Variants in MTOR observed in about 807,000 individuals in gnomAD.
MTOR encodes the protein mechanistic target of rapamycin kinase, also known as serine/threonine-protein kinase mTOR.
In MTOR, 70 loss-of-function variants were observed where a neutral mutation model predicts 319.8. That is an observed-to-expected ratio of 0.22 (90% CI 0.18 to 0.27). The LOEUF (loss-of-function observed/expected upper bound fraction) is 0.27. Among genes scored for constraint, MTOR ranks in the 10% least tolerant of loss-of-function variants. The pLI, the probability that MTOR is intolerant of heterozygous loss-of-function variation, is 1.00. For synonymous variants in MTOR, 1,183 were observed against 1,211.4 expected (o/e 0.98, Z 0.49); for missense variants, 1,890 against 3,274.4 (o/e 0.58, Z 10.32).
At chr1:11,233,659 G>A (rs1647098050) in intron 14 of MTOR, among the ~76,000 whole-genome samples, 172 bp from the exon 15 acceptor site, 1 of 152,198 alleles carries the variant, frequency 6.6e-6, no homozygotes. Context: ...TTCTCCATAT[G>A]AAGTCTAAGT....
intron 29 of MTOR, among the ~76,000 whole-genome samples, chr1:11,160,179 C>A (rs986707529): frequency 2.0e-5 from 3 of 151,984 alleles, no homozygotes; most frequent in Admixed American, 2.0e-4. Context: ...CAGCTCACTG[C>A]AACCTCTGCC....
intron 3 of MTOR, among the ~76,000 whole-genome samples, chr1:11,257,380 C>CAAAAAAAAAAAA (rs1006118528): frequency 2.7e-5 from 1 of 36,760 alleles, no homozygotes; most frequent in Non-Finnish European, 6.2e-5. Context: ...TACTAAGATA[C>CAAAAAAAAAAAA]AAAAAAAAAA....
Position 11,133,987 on chromosome 1 carries a change from T to C in MTOR, c.5246+364A>G, listed in dbSNP as rs1006529855. ...ACGTGCCTATAGCTACTTGGGAAACTGAGGTGGGAGGATTGCTTAAGCCCA... is the reference window on the plus strand; with the variant it reads ...ACGTGCCTATAGCTACTTGGGAAACCGAGGTGGGAGGATTGCTTAAGCCCA... On this transcript the variant is annotated intron_variant, in intron 37 of 57. Coordinates refer to ENST00000361445, the MANE Select transcript of MTOR (RefSeq NM_004958.4). The surrounding 1 kb of genome is among the most constrained non-coding windows in gnomAD (Gnocchi z 4.0). Among the ~76,000 whole-genome samples, 1 of 151,550 alleles carries C rather than the reference T, an allele frequency of 6.6e-6. No individual in the cohort carries two copies. Among genetic ancestry groups the C allele is most frequent in the East Asian group, 1.9e-4 (1 of 5,134 alleles).
chr1:11,204,532 T>A (rs1646078071), intron 26 of MTOR, 29 bp downstream of exon 26: 1 of 1,596,914 alleles, frequency 6.3e-7, no homozygotes. Context: ...TATGTGCTGA[T>A]CTTCTCCACC....
In MTOR at chr1:11,114,867, C is replaced by A; in HGVS notation, c.7110G>T (p.Lys2370Asn). The stretch of plus-strand genomic sequence containing the variant: ...GTCTAAATGGAATCTTCTCTGGAAA[C>A]TTCTCTCGGGTCATAGCAACCTACA... ...DCFEVAMTRE[K>N]FPEKIPFRLT... Residue 2370 changes from lysine (K) to asparagine (N), a missense_variant, in exon 52 of 58, where the codon AAG becomes AAT. Transcript: ENST00000361445. 6.2e-7 allele frequency: 1 copy of A among 1,614,106 alleles called. No individual in the cohort carries two copies. Among genetic ancestry groups the A allele is most frequent in the Non-Finnish European group, 8.5e-7 (1 of 1,180,000 alleles).
intron 50 of MTOR, among the ~76,000 whole-genome samples, chr1:11,116,123 C>T (rs1156919538): frequency 2.0e-5 from 3 of 152,184 alleles, no homozygotes; most frequent in African/African-American, 7.2e-5. Context: ...GTCTTTTTTA[C>T]ATTCTTGTGA....
chr1:11,113,871 G>C (rs1161400911), intron 53 of MTOR, among the ~76,000 whole-genome samples: 1 of 152,166 alleles, frequency 6.6e-6, no homozygotes, highest in Non-Finnish European at 1.5e-5. Context: ...CCTCATGGGA[G>C]GTGATTAGAT....
chr1:11,146,593 A>G lies in MTOR; in HGVS notation c.4686+83T>C. 3 of 1,024,566 alleles carry G rather than the reference A, an allele frequency of 2.9e-6. No individual in the cohort carries two copies. The Admixed American group carries it at 5.4e-5, about 18-fold the overall frequency. 63.5% of individuals were successfully genotyped at this position (1,024,566 alleles called of 1,614,324 possible). Reference sequence around the variant, plus strand: ...GTAAACATCAGACCTGAAGTACAACAGCTTCTTTACCAAAGCACCGTGGGC... The same window carrying G: ...GTAAACATCAGACCTGAAGTACAACGGCTTCTTTACCAAAGCACCGTGGGC... On this transcript the variant is annotated intron_variant, in intron 32 of 57. Transcript: ENST00000361445.
intron 31 of MTOR, among the ~76,000 whole-genome samples, chr1:11,147,612 T>C (rs1017959743): frequency 1.3e-5 from 2 of 152,182 alleles, no homozygotes; most frequent in Non-Finnish European, 2.9e-5. Context: ...TAGCTAACAA[T>C]GACTCCTCAG....
chr1:11,147,972 T>A (rs1469442255), intron 31 of MTOR, among the ~76,000 whole-genome samples: 1 of 152,168 alleles, frequency 6.6e-6, no homozygotes, highest in Non-Finnish European at 1.5e-5. Flanking sequence ...AGACAATAAA[T>A]GGTGAAAATG....
At chr1:11,240,165 G>A in intron 11 of MTOR, 138 bp downstream of exon 11, 2 of 1,212,494 alleles carry the variant, frequency 1.6e-6, no homozygotes, top group African/African-American at 1.5e-5. Flanking sequence ...AAGAGTCTAG[G>A]AAGGATGAGC....
intron 34 of MTOR, among the ~76,000 whole-genome samples, chr1:11,140,530 C>T (rs942309543): frequency 2.0e-5 from 3 of 152,288 alleles, no homozygotes; most frequent in Non-Finnish European, 4.4e-5. Context: ...TCCCCGGCCC[C>T]GGGTCTGGGG....
At chr1:11,140,164 C>G (rs1175462483) in intron 34 of MTOR, among the ~76,000 whole-genome samples, 1 of 152,084 alleles carries the variant, frequency 6.6e-6, no homozygotes, top group Admixed American at 6.5e-5. Flanking sequence ...ACAGCCAATT[C>G]CACTGTGAAA....
At chr1:11,194,034 T>TCAG (rs1645673776) in intron 28 of MTOR, among the ~76,000 whole-genome samples, 1 of 152,070 alleles carries the variant, frequency 6.6e-6, no homozygotes. Flanking sequence ...AATTCAACAG[T>TCAG]CAGCTGTGCC....
At chr1:11,194,685 A>C in intron 28 of MTOR, 1 of 1,613,878 alleles carries the variant, frequency 6.2e-7, no homozygotes, top group Non-Finnish European at 8.5e-7. Context: ...ACCGGAAAGG[A>C]GAAGTTCAGG....
In MTOR at chr1:11,256,087, C is replaced by T. The variant is rs1253412423; in HGVS notation, c.610G>A (p.Ala204Thr). 1 of 1,613,996 alleles carries T rather than the reference C, an allele frequency of 6.2e-7. No homozygotes were observed. Among genetic ancestry groups the T allele is most frequent in the African/African-American group, 1.3e-5 (1 of 74,896 alleles). ...GCGGCTACAGCTCCCTCACGGATGGCCTGTTTGGGGTCCCACACGGCCACA... is the reference window on the plus strand; with the variant it reads ...GCGGCTACAGCTCCCTCACGGATGGTCTGTTTGGGGTCCCACACGGCCACA... The part of the protein sequence containing the change: ...IFVAVWDPKQ[A>T]IREGAVAALR... Residue 204 changes from alanine to threonine, a missense_variant, in exon 5 of 58, where the codon GCC becomes ACC. Coordinates refer to ENST00000361445, the MANE Select transcript of MTOR (RefSeq NM_004958.4).
chr1:11,257,181 A>G lies in MTOR; in HGVS notation c.272-16T>C. ...ATGAGGCTAGCTGCAAAAGAGAGGA[A>G]GGCAAAAGGTGATGATGGGGCGTAT... On this transcript the variant is annotated splice_polypyrimidine_tract_variant and intron_variant, in intron 3 of 57. Coordinates refer to ENST00000361445, the MANE Select transcript of MTOR (RefSeq NM_004958.4). 2 of 1,603,390 alleles carry G rather than the reference A, an allele frequency of 1.2e-6. No individual in the cohort carries two copies. Among genetic ancestry groups the G allele is most frequent in the Non-Finnish European group, 8.5e-7 (1 of 1,173,190 alleles).
chr1:11,234,591 G>A (rs1016616288), intron 13 of MTOR, among the ~76,000 whole-genome samples: 1 of 152,220 alleles, frequency 6.6e-6, no homozygotes, highest in Non-Finnish European at 1.5e-5. Flanking sequence ...AACAGGGAGA[G>A]CTGTGAGTAG....
intron 19 of MTOR, among the ~76,000 whole-genome samples, chr1:11,227,155 G>A (rs181196495): frequency 7.3e-5 from 11 of 151,408 alleles, no homozygotes; most frequent in African/African-American, 1.9e-4. Context: ...AAAATTAGCC[G>A]GGCTTGGTGG....
Sources: gnomAD v4.1 joint callset for allele counts (sites outside exome capture counted in the v4.1 genomes callset) on GRCh38, gnomAD v4.1.1 for gene constraint, Gnocchi (gnomAD v3.1) non-coding constraint, MANE v1.5 for transcripts, NCBI Gene and HGNC (gene_info 2026-07-23, HGNC 2026-07-21) for gene names.